TMEM230: variants seen among roughly 807,000 people sequenced by gnomAD.
The protein encoded by TMEM230 is transmembrane protein 230, also known as UPF0414 transmembrane protein C20orf30.
In TMEM230, 10 loss-of-function variants were observed where a neutral mutation model predicts 15.8. That is an observed-to-expected ratio of 0.63 (90% CI 0.39 to 1.07). The LOEUF (loss-of-function observed/expected upper bound fraction) is 1.07. Among genes scored for constraint, TMEM230 ranks in the 50% least tolerant of loss-of-function variants. The pLI, the probability that TMEM230 is intolerant of heterozygous loss-of-function variation, is 0.01. For synonymous variants in TMEM230, 67 were observed against 76.9 expected (o/e 0.87, Z 0.68); for missense variants, 165 against 193.3 (o/e 0.85, Z 0.87).
At chr20:5,063,140 C>T in the TMEM230 span, among the ~76,000 whole-genome samples, 2 of 151,952 alleles carry the variant, frequency 1.3e-5, no homozygotes, top group African/African-American at 2.4e-5. Context: ...TGTCTCAACG[C>T]AGTAACTGGG....
chr20:5,061,133 C>T, the TMEM230 span: 1 of 152,174 alleles, frequency 6.6e-6, no homozygotes, highest in Admixed American at 6.6e-5. Flanking sequence ...CATTTGTATG[C>T]TTGTATAACA....
chr20:5,106,074 GACAAACACACACACACACACACACAC>G, intron 4 of TMEM230, 88 bp downstream of exon 3: 7 of 1,170,108 alleles, frequency 6.0e-6, no homozygotes, highest in South Asian at 3.4e-5. Context: ...CACTGGGACG[GACAAACACACACACACACACACACAC>G]ACACACACAC....
chr20:5,094,808 G>T (rs890863156), intron 3 of TMEM230, among the ~76,000 whole-genome samples: 4 of 151,566 alleles, frequency 2.6e-5, no homozygotes, highest in Admixed American at 6.6e-5. Context: ...AAGTAGTTAG[G>T]ACTACAGTTG....
intron 4 of TMEM230, among the ~76,000 whole-genome samples, chr20:5,105,619 A>T (rs946123915): frequency 4.6e-5 from 7 of 152,178 alleles, no homozygotes; most frequent in Non-Finnish European, 8.8e-5. Context: ...ATGTAATACA[A>T]ATGATGAATG....
chr20:5,066,541 G>A (rs566261844), downstream of TMEM230, among the ~76,000 whole-genome samples: 15 of 152,008 alleles, frequency 9.9e-5, no homozygotes, highest in Non-Finnish European at 1.9e-4. Flanking sequence ...GTGTGGTGGC[G>A]TATGCCTGTA....
chr20:5,085,223 A>G (rs2089298935), intron 3 of TMEM230, among the ~76,000 whole-genome samples: 1 of 152,056 alleles, frequency 6.6e-6, no homozygotes, highest in Non-Finnish European at 1.5e-5. Flanking sequence ...TGTTGCAGGT[A>G]GCAACTCTCC....
rs41282110 is a variant in TMEM230, at chr20:5,112,764, G to C, written c.68+197C>G. 2,714 of 1,469,682 alleles carry C rather than the reference G, an allele frequency of 1.8e-3. 5 individuals are homozygous for C. The highest frequency in any genetic ancestry group is 2.3e-3 in the Non-Finnish European group (2,581 of 1,111,442). 91.0% of individuals were successfully genotyped at this position (1,469,682 alleles called of 1,614,324 possible). A position where few individuals can be genotyped will look rare whatever the true frequency, so the allele number is the denominator to read the frequency against. ...CTACCCGTCTTCAGACCTTGCCAGG[G>C]AGAGAAATAAGAACCGACGCGAATT... On this transcript the variant is annotated intron_variant, in intron 1 of 4. Coordinates refer to ENST00000342308, the MANE Select transcript of TMEM230 (RefSeq NM_001009923.2).
At chr20:5,099,236 CAATCAATCAATA>C (rs546803896), downstream of TMEM230, among the ~76,000 whole-genome samples, 1,650 of 76,218 alleles carry the variant, frequency 0.022, 33 homozygotes, top group African/African-American at 0.12. Context: ...ATAAATAAAT[CAATCAATCAATA>C]ATAAATAAAA....
Position 5,106,074 on chromosome 20 carries a change from GACAAACACACACACAC to G in TMEM230, c.411+98_411+113del, listed in dbSNP as rs572492985. ...TCAAAAAAAACAGACCACTGGGACG[GACAAACACACACACAC>G]ACACACACACACACACACACACACA... On this transcript the variant is annotated intron_variant, in intron 4 of 4. Coordinates refer to ENST00000342308, the MANE Select transcript of TMEM230 (RefSeq NM_001009923.2). The G allele has an allele frequency of 1.2e-3, 1,446 of 1,170,656 alleles. 19 individuals carry two copies. In the African/African-American group the frequency reaches 0.02, roughly 16 times the overall value. The allele number at this position is 1,170,656 out of a possible 1,614,324, so 72.5% of individuals were successfully genotyped here.
chr20:5,101,226 T>C (rs2089849040), intron 4 of TMEM230, among the ~76,000 whole-genome samples: 2 of 152,330 alleles, frequency 1.3e-5, no homozygotes, highest in Admixed American at 1.3e-4. Flanking sequence ...GTGGCCAATA[T>C]TATTAAAACC....
intron 4 of TMEM230, 105 bp from the exon 4 acceptor site, chr20:5,101,036 A>G: frequency 7.4e-7 from 1 of 1,354,938 alleles, no homozygotes; most frequent in Non-Finnish European, 9.7e-7. Context: ...ACTCTTCAGT[A>G]CTTTTTCTTT....
Position 5,100,388 on chromosome 20 carries a change from T to C in TMEM230, c.*403A>G, listed in dbSNP as rs2089806780. Reference sequence around the variant, plus strand: ...AAGTGTACAGGATAATATACTCAGATATTTTTAAAATAAATTACTTAATAA... The same window carrying C: ...AAGTGTACAGGATAATATACTCAGACATTTTTAAAATAAATTACTTAATAA... On this transcript the variant is annotated 3_prime_UTR_variant, in exon 5 of 5. Coordinates refer to ENST00000342308, the MANE Select transcript of TMEM230 (RefSeq NM_001009923.2). 1.1e-5 allele frequency: 11 copies of C among 989,952 alleles called. No homozygotes were observed. The highest frequency in any genetic ancestry group is 1.3e-5 in the Non-Finnish European group (11 of 831,964). 61.3% of individuals were successfully genotyped at this position (989,952 alleles called of 1,614,324 possible).
At chr20:5,112,164 C>T (rs765115451) in intron 1 of TMEM230, among the ~76,000 whole-genome samples, 4 of 152,178 alleles carry the variant, frequency 2.6e-5, no homozygotes, top group Non-Finnish European at 5.9e-5. Flanking sequence ...ACGTGGCTTG[C>T]AGTCAATGTA....
intron 3 of TMEM230, among the ~76,000 whole-genome samples, chr20:5,075,750 TA>T (rs2088972021): frequency 1.3e-5 from 2 of 151,856 alleles, no homozygotes; most frequent in African/African-American, 4.8e-5. Context: ...AATAAATAAA[TA>T]AAAATAATCT....
chr20:5,090,911 T>C (rs934974570), intron 3 of TMEM230, among the ~76,000 whole-genome samples: 1 of 152,202 alleles, frequency 6.6e-6, no homozygotes, highest in Non-Finnish European at 1.5e-5. Context: ...AAGTTAATAC[T>C]AAAATATTCA....
chr20:5,093,446 G>T (rs2089568903), intron 3 of TMEM230, among the ~76,000 whole-genome samples: 1 of 152,108 alleles, frequency 6.6e-6, no homozygotes, highest in Non-Finnish European at 1.5e-5. Context: ...TTGCCATGTT[G>T]CCCAGGCTGG....
At chr20:5,097,391 G>C (rs1303963769), downstream of TMEM230, among the ~76,000 whole-genome samples, 1 of 152,194 alleles carries the variant, frequency 6.6e-6, no homozygotes, top group African/African-American at 2.4e-5. Flanking sequence ...TGACTAACAG[G>C]AGGCATAAGA....
intron 3 of TMEM230, among the ~76,000 whole-genome samples, chr20:5,108,113 AAAAAC>A (rs370253577): frequency 1.3e-5 from 2 of 150,824 alleles, no homozygotes; most frequent in African/African-American, 2.4e-5. Flanking sequence ...ACTACATCTT[AAAAAC>A]AAAACAAAAC....
At chr20:5,112,828 C>A (rs1450162614) in intron 1 of TMEM230, 133 bp downstream of exon 1, 10 of 1,526,878 alleles carry the variant, frequency 6.5e-6, no homozygotes, top group African/African-American at 4.1e-5. Flanking sequence ...TGGAAAGAGG[C>A]CAACTGTGCC....
Sources: gnomAD v4.1 joint callset for allele counts (sites outside exome capture counted in the v4.1 genomes callset) on GRCh38, gnomAD v4.1.1 for gene constraint, MANE v1.5 for transcripts, NCBI Gene and HGNC (gene_info 2026-07-23, HGNC 2026-07-21) for gene names.